Variants in DRC9 observed in about 807,000 individuals in gnomAD.
DRC9 encodes the protein dynein regulatory complex subunit 9.
At chr3:197,936,289 G>A in the DRC9 span, among the ~76,000 whole-genome samples, 2 of 152,158 alleles carry the variant, frequency 1.3e-5, no homozygotes, top group Non-Finnish European at 2.9e-5. Context: ...GTACAGCAAG[G>A]AAAGCATACA....
chr3:197,919,710 G>A, the DRC9 span, among the ~76,000 whole-genome samples: 1 of 152,170 alleles, frequency 6.6e-6, no homozygotes, highest in African/African-American at 2.4e-5. Context: ...GGGCTTTAAT[G>A]GTAGTGTCTG....
At chr3:197,907,870 T>C in the DRC9 span, among the ~76,000 whole-genome samples, 3 of 148,630 alleles carry the variant, frequency 2.0e-5, no homozygotes, top group African/African-American at 7.5e-5. Flanking sequence ...CCCTCCCAGA[T>C]GAAGTTATCA....
chr3:197,903,298 C>T, the DRC9 span, among the ~76,000 whole-genome samples: 7 of 152,282 alleles, frequency 4.6e-5, no homozygotes, highest in African/African-American at 1.7e-4. Flanking sequence ...AGTAATACCC[C>T]ACAAGCACGA....
At chr3:197,947,264 G>A in the DRC9 span, among the ~76,000 whole-genome samples, 40,757 of 151,848 alleles carry the variant, frequency 0.27, 8,118 homozygotes, top group African/African-American at 0.57. Context: ...CTGATATCCT[G>A]ACAGAAGGTT....
the DRC9 span, chr3:197,944,157 G>A: frequency 7.4e-6 from 7 of 941,176 alleles, no homozygotes; most frequent in South Asian, 3.2e-5. Context: ...TATTCACATC[G>A]TCGTATAATA....
At chr3:197,919,601 T>C in the DRC9 span, among the ~76,000 whole-genome samples, 1 of 152,160 alleles carries the variant, frequency 6.6e-6, no homozygotes, top group Non-Finnish European at 1.5e-5. Context: ...TCTGGACTTG[T>C]TATTCGAATT....
At chr3:197,902,514 C>T in the DRC9 span, among the ~76,000 whole-genome samples, 2 of 151,770 alleles carry the variant, frequency 1.3e-5, no homozygotes, top group Admixed American at 6.6e-5. Flanking sequence ...ATAAACTTAA[C>T]AGAGATTGAA....
chr3:197,958,526 G>A, the DRC9 span: 3 of 152,258 alleles, frequency 2.0e-5, no homozygotes, highest in African/African-American at 7.2e-5. Flanking sequence ...GAAGCTGTAA[G>A]ATGTTAACCT....
the DRC9 span, among the ~76,000 whole-genome samples, chr3:197,931,920 C>A: frequency 6.6e-6 from 1 of 152,036 alleles, no homozygotes; most frequent in Non-Finnish European, 1.5e-5. Context: ...CCACCGCGCC[C>A]GGCCGAATTC....
chr3:197,954,259 T>C, the DRC9 span: 1 of 1,062,280 alleles, frequency 9.4e-7, no homozygotes, highest in Middle Eastern at 2.0e-4. Context: ...CAGTAAATTA[T>C]GCTGCAAAAT....
At chr3:197,918,770 G>T in the DRC9 span, among the ~76,000 whole-genome samples, 7 of 152,104 alleles carry the variant, frequency 4.6e-5, no homozygotes, top group Non-Finnish European at 1.0e-4. Flanking sequence ...TTTAGCTTCT[G>T]CCCATGGTAA....
the DRC9 span, among the ~76,000 whole-genome samples, chr3:197,947,602 T>G: frequency 1.3e-5 from 2 of 152,148 alleles, no homozygotes; most frequent in Non-Finnish European, 2.9e-5. Flanking sequence ...CCGTGTAAAG[T>G]CCCACTGACC....
At chr3:197,892,595 T>C in the DRC9 span, 373 of 1,604,930 alleles carry the variant, frequency 2.3e-4, no homozygotes, top group East Asian at 7.3e-3. Flanking sequence ...CCTTTCACTC[T>C]GTCCTCAGTG....
chr3:197,937,462 C>T, the DRC9 span, among the ~76,000 whole-genome samples: 1 of 151,464 alleles, frequency 6.6e-6, no homozygotes, highest in South Asian at 2.1e-4. Context: ...CGGTCTTTTT[C>T]TTTTCTCTTT....
the DRC9 span, among the ~76,000 whole-genome samples, chr3:197,919,791 A>G: frequency 2.6e-5 from 4 of 152,200 alleles, no homozygotes; most frequent in African/African-American, 4.8e-5. Context: ...CTATCTGGGA[A>G]GTTGGCACTT....
the DRC9 span, chr3:197,943,777 C>T: frequency 6.2e-7 from 1 of 1,613,772 alleles, no homozygotes; most frequent in Non-Finnish European, 8.5e-7. Context: ...TGGGTCTATA[C>T]CACGCAGATG....
At chr3:197,904,753 G>A in the DRC9 span, among the ~76,000 whole-genome samples, 1 of 152,098 alleles carries the variant, frequency 6.6e-6, no homozygotes, top group Non-Finnish European at 1.5e-5. Context: ...CCAGCTACTC[G>A]GGAGGCTGAG....
At chr3:197,913,031 G>A in the DRC9 span, 1 of 368,292 alleles carries the variant, frequency 2.7e-6, no homozygotes, top group Non-Finnish European at 5.0e-6. Flanking sequence ...CAAGGCTGTG[G>A]GGCTTAAAAA....
chr3:197,922,637 C>T, the DRC9 span, among the ~76,000 whole-genome samples: 1 of 151,916 alleles, frequency 6.6e-6, no homozygotes, highest in Non-Finnish European at 1.5e-5. Flanking sequence ...ACTCGAGAGA[C>T]GGAGGTCGCA....
Sources: allele counts gnomAD v4.1 joint callset (sites outside exome capture counted in the v4.1 genomes callset), GRCh38; gene constraint gnomAD v4.1.1; transcripts MANE v1.5; gene names NCBI Gene and HGNC (gene_info 2026-07-23, HGNC 2026-07-21).